Variants in RNF212B observed in about 807,000 individuals in gnomAD.
RNF212B encodes E3 ubiquitin-protein ligase RNF212B.
A neutral mutation model predicts 55.5 loss-of-function variants in RNF212B; 52 were observed. The ratio of observed to expected loss-of-function variants is 0.94; its 90% CI spans 0.75 to 1.18. RNF212B has a LOEUF of 1.18. Among genes scored for constraint, RNF212B ranks in the 50% most tolerant of loss-of-function variants. The pLI, the probability that RNF212B is intolerant of heterozygous loss-of-function variation, is 0.00. For missense variants in RNF212B, 289 were observed against 350.4 expected (o/e 0.82, Z 1.40); for synonymous variants, 99 against 121.4 (o/e 0.82, Z 1.21).
chr14:23,223,715 A>G (rs931798850), intron 2 of RNF212B, among the ~76,000 whole-genome samples: 2 of 152,204 alleles, frequency 1.3e-5, no homozygotes, highest in African/African-American at 2.4e-5. Flanking sequence ...CTGTTATTCA[A>G]CATAGGACTG....
intron 5 of RNF212B, 38 bp downstream of exon 5, chr14:23,258,702 T>C (rs1259697333): frequency 8.7e-6 from 8 of 923,660 alleles, no homozygotes; most frequent in African/African-American, 6.9e-5. Context: ...GCTTTTTTTT[T>C]TTTTTTTTTT....
intron 2 of RNF212B, among the ~76,000 whole-genome samples, chr14:23,205,916 A>T (rs554912422): frequency 1.3e-5 from 2 of 152,192 alleles, no homozygotes; most frequent in Non-Finnish European, 2.9e-5. Flanking sequence ...GACACCTTAC[A>T]TTATTTGGCA....
At chr14:23,223,340 G>A (rs1288848365) in intron 2 of RNF212B, among the ~76,000 whole-genome samples, 3 of 151,194 alleles carry the variant, frequency 2.0e-5, no homozygotes, top group South Asian at 4.2e-4. Flanking sequence ...TACACTGAAT[G>A]GAGAAAAACT....
intron 3 of RNF212B, among the ~76,000 whole-genome samples, chr14:23,243,918 A>T (rs1883804165): frequency 6.6e-6 from 1 of 151,954 alleles, no homozygotes; most frequent in African/African-American, 2.4e-5. Flanking sequence ...TCTCTACTAA[A>T]AATACAAAAA....
At chr14:23,215,733 T>A (rs538079965) in intron 2 of RNF212B, among the ~76,000 whole-genome samples, 36 of 151,866 alleles carry the variant, frequency 2.4e-4, no homozygotes, top group South Asian at 1.5e-3. Flanking sequence ...CTAATGAAAA[T>A]TTTTCAAACA....
upstream of RNF212B, among the ~76,000 whole-genome samples, chr14:23,236,550 A>C (rs922973998): frequency 3.9e-5 from 6 of 151,996 alleles, no homozygotes; most frequent in African/African-American, 1.5e-4. Flanking sequence ...AAGCAAAAAA[A>C]CCCCAAACAA....
At chr14:23,243,342 A>C in intron 3 of RNF212B, 34 bp downstream of exon 3, 1 of 1,511,858 alleles carries the variant, frequency 6.6e-7, no homozygotes, top group Non-Finnish European at 9.0e-7. Context: ...AAACTGTCTC[A>C]TCCCATTCCT....
chr14:23,218,641 G>T (rs775609106), intron 2 of RNF212B, among the ~76,000 whole-genome samples: 28 of 151,784 alleles, frequency 1.8e-4, no homozygotes, highest in Non-Finnish European at 4.1e-4. Flanking sequence ...GGAGACGAAA[G>T]AAAATAAAAA....
At chr14:23,216,155 A>G (rs1319912882) in intron 2 of RNF212B, among the ~76,000 whole-genome samples, 1 of 152,170 alleles carries the variant, frequency 6.6e-6, no homozygotes, top group African/African-American at 2.4e-5. Flanking sequence ...CTGAGGCAGG[A>G]GAATGGCGTG....
intron 2 of RNF212B, among the ~76,000 whole-genome samples, chr14:23,224,416 G>A (rs1208771303): frequency 6.6e-6 from 1 of 152,128 alleles, no homozygotes; most frequent in Non-Finnish European, 1.5e-5. Context: ...ATAGACCAAT[G>A]GAACAAACTA....
At position 23,213,114 on chromosome 14, in the gene RNF212B, C is replaced by A. The variant is rs570586022; in HGVS notation, c.-2+19713C>A. The stretch of plus-strand genomic sequence containing the variant: ...TATCACAAGGTCAGGAGATCGAGAC[C>A]ATCCTGGCTAACACAGTGAAACCCC... On this transcript the variant is annotated intron_variant, in intron 2 of 15. Coordinates refer to the RNF212B transcript ENST00000399910. Among the ~76,000 whole-genome samples, 21 of 152,026 alleles carry A rather than the reference C, an allele frequency of 1.4e-4. No homozygotes were observed. The East Asian group carries it at 3.9e-3, about 28-fold the overall frequency.
Position 23,222,649 on chromosome 14 carries a change from CT to C in RNF212B, c.-1-17695del, listed in dbSNP as rs533562453. The stretch of plus-strand genomic sequence containing the variant: ...TCATTCTATGAGGCCAGTATTTCCC[CT>C]ATACCAAAACCAGACAAAGAAACAT... On this transcript the variant is annotated intron_variant, in intron 2 of 15. Transcript: ENST00000399910. Among the ~76,000 whole-genome samples the C allele has an allele frequency of 2.6e-5, 4 of 152,218 alleles. No individual in the cohort carries two copies. The South Asian group carries it at 8.3e-4, about 32-fold the overall frequency.
At chr14:23,252,842 G>A (rs1490903422) in intron 4 of RNF212B, among the ~76,000 whole-genome samples, 2 of 152,140 alleles carry the variant, frequency 1.3e-5, no homozygotes, top group Non-Finnish European at 2.9e-5. Context: ...TTCTATTTAT[G>A]AGAACAATGA....
At chr14:23,219,327 A>C (rs1278073542) in intron 2 of RNF212B, among the ~76,000 whole-genome samples, 1 of 152,234 alleles carries the variant, frequency 6.6e-6, no homozygotes, top group East Asian at 1.9e-4. Flanking sequence ...TCTTGTCTTA[A>C]ATAGAAAGAC....
intron 2 of RNF212B, among the ~76,000 whole-genome samples, chr14:23,195,407 T>C (rs1878556951): frequency 6.6e-6 from 1 of 152,228 alleles, no homozygotes; most frequent in Non-Finnish European, 1.5e-5. Context: ...AGCGCTTGAC[T>C]CGTAGCCCAT....
chr14:23,198,543 G>A (rs1286053152), intron 2 of RNF212B, among the ~76,000 whole-genome samples: 1 of 152,062 alleles, frequency 6.6e-6, no homozygotes, highest in Non-Finnish European at 1.5e-5. Flanking sequence ...GGGCGTGGTG[G>A]CGGGTACCTG....
chr14:23,208,706 A>C (rs969622853), intron 2 of RNF212B, among the ~76,000 whole-genome samples: 4 of 151,464 alleles, frequency 2.6e-5, no homozygotes, highest in Non-Finnish European at 5.9e-5. Context: ...GTAAAGGAAT[A>C]AAAGAATGGC....
intron 7 of RNF212B, 113 bp downstream of exon 7, chr14:23,260,800 C>A: frequency 1.0e-6 from 1 of 983,938 alleles, no homozygotes; most frequent in Non-Finnish European, 1.6e-6. Flanking sequence ...ATTTAGCTTT[C>A]ACTTCTCCGA....
At chr14:23,196,761 T>C (rs1878756823) in intron 2 of RNF212B, among the ~76,000 whole-genome samples, 1 of 152,130 alleles carries the variant, frequency 6.6e-6, no homozygotes, top group South Asian at 2.1e-4. Flanking sequence ...TTTTTTTGTG[T>C]CCATGCTCTT....
Sources: allele counts gnomAD v4.1 joint callset (sites outside exome capture counted in the v4.1 genomes callset), GRCh38; gene constraint gnomAD v4.1.1; transcripts MANE v1.5; gene names NCBI Gene and HGNC (gene_info 2026-07-23, HGNC 2026-07-21).